Variants in ZBTB7C observed in about 807,000 individuals in gnomAD.
ZBTB7C encodes the protein zinc finger and BTB domain-containing protein 7C.
A neutral mutation model predicts 25.7 loss-of-function variants in ZBTB7C; 8 were observed. The ratio of observed to expected loss-of-function variants is 0.31; its 90% confidence interval spans 0.18 to 0.56. The LOEUF is 0.56. Among genes scored for constraint, ZBTB7C ranks in the 20% least tolerant of loss-of-function variants. ZBTB7C has a pLI of 0.91. For synonymous variants in ZBTB7C, 394 were observed against 369.0 expected (o/e 1.07, Z -0.78); for missense variants, 824 against 855.2 (o/e 0.96, Z 0.46).
intron 2 of ZBTB7C, among the ~76,000 whole-genome samples, chr18:48,314,401 A>C (rs1220682928): frequency 6.6e-6 from 1 of 152,150 alleles, no homozygotes; most frequent in Non-Finnish European, 1.5e-5. Context: ...CAAGTTATAA[A>C]GGGATGATTT....
At chr18:48,323,032 G>A (rs944848222) in intron 2 of ZBTB7C, among the ~76,000 whole-genome samples, 5 of 152,126 alleles carry the variant, frequency 3.3e-5, no homozygotes, top group East Asian at 1.9e-4. Context: ...TACAATGGAC[G>A]TTGGGGACTC....
chr18:48,183,984 C>G (rs918486167), intron 3 of ZBTB7C, among the ~76,000 whole-genome samples: 1 of 152,112 alleles, frequency 6.6e-6, no homozygotes, highest in Admixed American at 6.5e-5. Context: ...TACATCACAT[C>G]CCACTGAAAA....
At position 48,271,148 on chromosome 18, in the gene ZBTB7C, C is replaced by G. The variant is rs553174049; in HGVS notation, c.-79+67026G>C. ...CACTAGACCAAGAAGGCTTCATAAG[C>G]AAGCTTTGCCAAAACTTTATGGAGT... On this transcript the variant is annotated intron_variant, in intron 2 of 4. Coordinates refer to ENST00000590800, the MANE Select transcript of ZBTB7C (RefSeq NM_001318841.2). 5.3e-5 allele frequency among the ~76,000 whole-genome samples: 8 copies of G among 152,246 alleles called. No individual in the cohort carries two copies. In the South Asian group the frequency reaches 1.7e-3, roughly 32 times the overall value.
intron 1 of ZBTB7C, among the ~76,000 whole-genome samples, chr18:48,341,623 G>A (rs1024317185): frequency 6.6e-6 from 1 of 152,224 alleles, no homozygotes; most frequent in African/African-American, 2.4e-5. Context: ...TCTCCTTAAA[G>A]GAGCTGTTGT....
intron 2 of ZBTB7C, among the ~76,000 whole-genome samples, chr18:48,332,515 T>A (rs2046362816): frequency 6.6e-6 from 1 of 152,096 alleles, no homozygotes; most frequent in African/African-American, 2.4e-5. Context: ...TCCAAAGTTA[T>A]ATTATATTCT....
At chr18:48,314,949 C>A (rs376610681) in intron 2 of ZBTB7C, among the ~76,000 whole-genome samples, 2 of 152,326 alleles carry the variant, frequency 1.3e-5, no homozygotes, top group African/African-American at 2.4e-5. Context: ...TCAGCTCCCC[C>A]TCCTGGGGGT....
intron 2 of ZBTB7C, among the ~76,000 whole-genome samples, chr18:48,246,379 G>A (rs1179758361): frequency 6.6e-6 from 1 of 151,564 alleles, no homozygotes; most frequent in Non-Finnish European, 1.5e-5. Context: ...GCAGTGAGCT[G>A]AGATCACACC....
Position 48,392,899 on chromosome 18 carries a change from G to A in ZBTB7C, c.-304+16327C>T, listed in dbSNP as rs554824454. On this transcript the variant is annotated intron_variant, in intron 1 of 4. Transcript: ENST00000590800. Reference sequence around the variant, plus strand: ...AAGGCCTGGAAAGCTGGGAGACCGCGATCCAGTCTCAGCTCTACTGCTGAC... The same window carrying A: ...AAGGCCTGGAAAGCTGGGAGACCGCAATCCAGTCTCAGCTCTACTGCTGAC... Among the ~76,000 whole-genome samples, 11 of 152,252 alleles carry A rather than the reference G, an allele frequency of 7.2e-5. No homozygotes were observed. The East Asian group carries it at 1.2e-3, about 16-fold the overall frequency.
intron 3 of ZBTB7C, among the ~76,000 whole-genome samples, chr18:48,147,343 G>C (rs1045449258): frequency 2.6e-5 from 4 of 152,146 alleles, no homozygotes; most frequent in Non-Finnish European, 5.9e-5. Flanking sequence ...CTTTCGGAGT[G>C]CTGGGATTAC....
chr18:48,091,262 T>TTTTTTTTC (rs2038405220), intron 3 of ZBTB7C, among the ~76,000 whole-genome samples: 1 of 146,662 alleles, frequency 6.8e-6, no homozygotes, highest in Non-Finnish European at 1.5e-5. Flanking sequence ...TTTTTTTTTT[T>TTTTTTTTC]TGGAGAGACA....
At position 48,326,649 on chromosome 18, in the gene ZBTB7C, T is replaced by C. The variant is rs189151882; in HGVS notation, c.-79+11525A>G. 1.6e-3 allele frequency among the ~76,000 whole-genome samples: 237 copies of C among 152,078 alleles called. 2 individuals carry two copies. Among genetic ancestry groups the C allele is most frequent in the African/African-American group, 5.4e-3 (225 of 41,488 alleles). ...AGTGCTCTGTACTAATATGGAGGTA[T>C]TTCCAAGATGTATAGTTAAGGAAAT... On this transcript the variant is annotated intron_variant, in intron 2 of 4. Coordinates refer to ENST00000590800, the MANE Select transcript of ZBTB7C (RefSeq NM_001318841.2).
At chr18:48,138,703 T>TA (rs2040249176) in intron 3 of ZBTB7C, among the ~76,000 whole-genome samples, 1 of 152,170 alleles carries the variant, frequency 6.6e-6, no homozygotes, top group Non-Finnish European at 1.5e-5. Flanking sequence ...CATAGCTTTT[T>TA]ATCAAAAACC....
intron 1 of ZBTB7C, among the ~76,000 whole-genome samples, chr18:48,389,230 CTCTCTCGTGTGTGTGT>C (rs1203799002): frequency 1.1e-4 from 9 of 78,832 alleles, no homozygotes; most frequent in South Asian, 5.5e-4. Context: ...CTCTCTCTCT[CTCTCTCGTGTGTGTGT>C]GTGTGTGTGT....
chr18:48,123,962 T>C (rs2039715079), intron 3 of ZBTB7C, among the ~76,000 whole-genome samples: 1 of 152,218 alleles, frequency 6.6e-6, no homozygotes, highest in Non-Finnish European at 1.5e-5. Flanking sequence ...TGATGTAGCC[T>C]GGGGACAGTG....
chr18:48,157,353 T>C (rs1303904461), intron 3 of ZBTB7C, among the ~76,000 whole-genome samples: 1 of 152,154 alleles, frequency 6.6e-6, no homozygotes, highest in Non-Finnish European at 1.5e-5. Context: ...GGGAACTCAC[T>C]GGTCCTACAA....
At chr18:48,341,817 G>A (rs188629217) in intron 1 of ZBTB7C, among the ~76,000 whole-genome samples, 1 of 152,366 alleles carries the variant, frequency 6.6e-6, no homozygotes, top group East Asian at 1.9e-4. Flanking sequence ...CCTCAGAGAT[G>A]GTGACATCCA....
chr18:48,332,321 T>C (rs117723494), intron 2 of ZBTB7C, among the ~76,000 whole-genome samples: 31 of 152,302 alleles, frequency 2.0e-4, no homozygotes, highest in Non-Finnish European at 3.5e-4. Context: ...TAGAAATTGG[T>C]AGTTAGAGCT....
intron 2 of ZBTB7C, among the ~76,000 whole-genome samples, chr18:48,299,058 C>T (rs2045474272): frequency 6.6e-6 from 1 of 152,146 alleles, no homozygotes; most frequent in Non-Finnish European, 1.5e-5. Context: ...GAGGCACCCA[C>T]AGAGGTCCCA....
intron 1 of ZBTB7C, among the ~76,000 whole-genome samples, chr18:48,363,433 T>C (rs1332023618): frequency 6.6e-6 from 1 of 151,908 alleles, no homozygotes; most frequent in Non-Finnish European, 1.5e-5. Context: ...TGCTGCAGGA[T>C]AGACCATGTT....
Sources: gnomAD v4.1 joint callset for allele counts (sites outside exome capture counted in the v4.1 genomes callset) on GRCh38, gnomAD v4.1.1 for gene constraint, MANE v1.5 for transcripts, NCBI Gene and HGNC (gene_info 2026-07-23, HGNC 2026-07-21) for gene names.